Variants in RPL12 observed in about 807,000 individuals in gnomAD.
RPL12 encodes the protein ribosomal protein L12, also known as large ribosomal subunit protein uL11.
Under a neutral mutation model 24.5 loss-of-function variants are expected in RPL12, and 10 were observed. The ratio of observed to expected loss-of-function variants is 0.41; its 90% CI spans 0.25 to 0.69. The LOEUF is 0.69. Ranked by LOEUF, RPL12 falls within the 30% of genes least tolerant of loss-of-function variation. The probability of loss-of-function intolerance (pLI) is 0.33; values close to 1 mark genes in which losing one functional copy is unlikely to be tolerated. For missense variants in RPL12, 137 were observed against 205.3 expected, an observed-to-expected ratio of 0.67 and a Z score of 2.03; for synonymous variants, 74 against 76.1, an observed-to-expected ratio of 0.97 and a Z score of 0.14.
chr9:127,451,179 G>A, intron 1 of RPL12, 102 bp downstream of exon 1: 1 of 1,479,986 alleles, frequency 6.8e-7, no homozygotes, highest in Non-Finnish European at 9.2e-7. Context: ...AGGTCTCTGG[G>A]AGGCAGCGGC....
intron 3 of RPL12, 59 bp from the exon 4 acceptor site, chr9:127,449,421 G>T: frequency 6.6e-7 from 1 of 1,510,656 alleles, no homozygotes; most frequent in Non-Finnish European, 9.1e-7. Context: ...CATGCACGCT[G>T]GCTCTCAAAA....
At position 127,451,340 on chromosome 9, in the gene RPL12, TGAACCCG is replaced by T; in HGVS notation, c.-30_-24del. 1 of 1,611,584 alleles carries T rather than the reference TGAACCCG, an allele frequency of 6.2e-7. No homozygotes were observed. The highest frequency in any genetic ancestry group is 8.5e-7 in the Non-Finnish European group (1 of 1,179,882). On this transcript the variant is annotated 5_prime_UTR_variant, in exon 1 of 7. Coordinates refer to ENST00000361436, the MANE Select transcript of RPL12 (RefSeq NM_000976.4). Reference sequence around the variant, plus strand: ...CATGGTGGAGGCGGCTGGTGTCGGATGAACCCGGATTCGGGACGACCGAAGGAAGTTG... The same window carrying T: ...CATGGTGGAGGCGGCTGGTGTCGGATGATTCGGGACGACCGAAGGAAGTTG...
chr9:127,451,026 G>C (rs1017679917), intron 1 of RPL12: 2 of 641,302 alleles, frequency 3.1e-6, no homozygotes, highest in Non-Finnish European at 5.3e-6. Flanking sequence ...CCAATGGGGC[G>C]AAACGCCCGG....
rs561738435 is a variant in RPL12, at chr9:127,449,467, G to A, written c.211-105C>T. The A allele has an allele frequency of 3.5e-5, 46 of 1,320,976 alleles. 1 individual carries two copies. In the African/African-American group the frequency reaches 6.4e-4, roughly 18 times the overall value. 81.8% of individuals were successfully genotyped at this position (1,320,976 alleles called of 1,614,324 possible). A position where few individuals can be genotyped will look rare whatever the true frequency, so the allele number is the denominator to read the frequency against. On this transcript the variant is annotated intron_variant, in intron 3 of 6. Coordinates refer to ENST00000361436, the MANE Select transcript of RPL12 (RefSeq NM_000976.4). ...CACACTGTCCAAGTCTTTGCCCTAGGTCCGTACTCTTGACAAAGCCTCCCC... is the reference window on the plus strand; with the variant it reads ...CACACTGTCCAAGTCTTTGCCCTAGATCCGTACTCTTGACAAAGCCTCCCC...
chr9:127,451,202 A>G, intron 1 of RPL12, 79 bp downstream of exon 1: 1 of 1,569,014 alleles, frequency 6.4e-7, no homozygotes. Flanking sequence ...TAAGAGCCCC[A>G]TACGGGGAAA....
At position 127,449,879 on chromosome 9, in the gene RPL12, G is replaced by A. The variant is rs796207918; in HGVS notation, c.112-171C>T. 137 of 619,610 alleles carry A rather than the reference G, an allele frequency of 2.2e-4. No homozygotes were observed. The South Asian group carries it at 2.5e-3, about 11-fold the overall frequency. 38.4% of individuals were successfully genotyped at this position (619,610 alleles called of 1,614,324 possible). ...GCATAAATTGGGGGTTGGGGTTCTTGTCCAGAACTGTAAACTGCAGACTTG... is the reference window on the plus strand; with the variant it reads ...GCATAAATTGGGGGTTGGGGTTCTTATCCAGAACTGTAAACTGCAGACTTG... On this transcript the variant is annotated intron_variant, in intron 2 of 6. Transcript: ENST00000361436.
At position 127,449,342 on chromosome 9, in the gene RPL12, G is replaced by A. The variant is rs148007592; in HGVS notation, c.231C>T (p.Ala77=). The change falls in exon 4 of 7, where the codon GCC becomes GCT. Residue 77 remains alanine, a synonymous_variant. Coordinates refer to ENST00000361436, the MANE Select transcript of RPL12 (RefSeq NM_000976.4). ...TGAGGGCTTTGATGATCAGGGCAGA[G>A]GCAGAAGGCACCACCTCAATCTGCA... ...RQAQIEVVPS[A]SALIIKALKE... The A allele has an allele frequency of 6.2e-7, 1 of 1,609,546 alleles. No homozygotes were observed. The highest frequency in any genetic ancestry group is 1.3e-5 in the African/African-American group (1 of 74,854).
At position 127,451,321 on chromosome 9, in the gene RPL12, G is replaced by A. The variant is rs574279325; in HGVS notation, c.-4C>T. Reference sequence around the variant, plus strand: ...TGGGGTCGAACTTCGGCGGCATGGTGGAGGCGGCTGGTGTCGGATGAACCC... The same window carrying A: ...TGGGGTCGAACTTCGGCGGCATGGTAGAGGCGGCTGGTGTCGGATGAACCC... On this transcript the variant is annotated 5_prime_UTR_variant, in exon 1 of 7. Transcript: ENST00000361436. 3.2e-5 allele frequency: 52 copies of A among 1,612,416 alleles called. No homozygotes were observed. In the East Asian group the frequency reaches 1.1e-3, roughly 35 times the overall value.
chr9:127,451,406 G>A lies in RPL12; in HGVS notation c.-89C>T, dbSNP rs747333236. 358 of 1,353,236 alleles carry A rather than the reference G, an allele frequency of 2.6e-4. No homozygotes were observed. The highest frequency in any genetic ancestry group is 3.4e-4 in the Non-Finnish European group (327 of 962,442). 83.8% of individuals were successfully genotyped at this position (1,353,236 alleles called of 1,614,324 possible). A position where few individuals can be genotyped will look rare whatever the true frequency, so the allele number is the denominator to read the frequency against. On this transcript the variant is annotated 5_prime_UTR_variant, in exon 1 of 7. Transcript: ENST00000361436. ...CCTCCTCCGAGCCGAAAGCCGAGAG[G>A]CCGGAAATCGCGCGGACAAGCCAGA...
chr9:127,449,973 GACATTAGAATCACCT>G (rs2131974689), intron 2 of RPL12: 1 of 441,220 alleles, frequency 2.3e-6, no homozygotes, highest in East Asian at 4.3e-5. Flanking sequence ...CAGCCCTGCT[GACATTAGAATCACCT>G]AAGGAGCTTT....
intron 5 of RPL12, 74 bp from the exon 6 acceptor site, chr9:127,448,063 G>GA (rs765924450): frequency 4.0e-6 from 6 of 1,504,464 alleles, no homozygotes; most frequent in Non-Finnish European, 5.4e-6. Flanking sequence ...GGGGAATACT[G>GA]AAGGGGTTCA....
intron 5 of RPL12, 150 bp from the exon 6 acceptor site, chr9:127,448,139 C>T: frequency 1.8e-6 from 2 of 1,137,012 alleles, no homozygotes; most frequent in Non-Finnish European, 2.5e-6. Flanking sequence ...CCATCTAGTT[C>T]CATAACCCGG....
At chr9:127,450,512 G>C (rs991312955) in intron 2 of RPL12, 11 of 514,894 alleles carry the variant, frequency 2.1e-5, no homozygotes, top group Admixed American at 1.6e-4. Context: ...CACTAAAGCA[G>C]CAGTGGAGAC....
At position 127,448,429 on chromosome 9, in the gene RPL12, GA is replaced by G. The variant is rs1459107074; in HGVS notation, c.293-7del. On this transcript the variant is annotated splice_polypyrimidine_tract_variant and splice_region_variant and intron_variant, in intron 4 of 6. Coordinates refer to ENST00000361436, the MANE Select transcript of RPL12 (RefSeq NM_000976.4). ...GATATTCCCACTGTGTTTAACTGCA[GA>G]AGAGGAAACAGCAAAAGCTCTTTTA... The G allele has an allele frequency of 6.9e-6, 11 of 1,599,304 alleles. 1 individual carries two copies. The highest frequency in any genetic ancestry group is 5.0e-5 in the Admixed American group (3 of 59,994).
At chr9:127,449,406 A>T in intron 3 of RPL12, 44 bp from the exon 4 acceptor site, 1 of 1,540,650 alleles carries the variant, frequency 6.5e-7, no homozygotes, top group Non-Finnish European at 8.9e-7. Flanking sequence ...TCCAGTGAAT[A>T]CTGCCATGCA....
Position 127,450,713 on chromosome 9 carries a change from T to C in RPL12, c.111+18A>G. 1 of 1,556,586 alleles carries C rather than the reference T, an allele frequency of 6.4e-7. No individual in the cohort carries two copies. The highest frequency in any genetic ancestry group is 2.3e-5 in the East Asian group (1 of 42,562). On this transcript the variant is annotated intron_variant, in intron 2 of 6. Transcript: ENST00000361436. ...GAAACAAATGTGAAAAAAATGCCCC[T>C]TGGAGGGGATAACGTACCAGACCCA...
chr9:127,449,077 T>C, intron 4 of RPL12: 3 of 500,292 alleles, frequency 6.0e-6, no homozygotes, highest in Non-Finnish European at 1.1e-5. Flanking sequence ...TCCACCCGCC[T>C]CAGCCTCCCA....
At position 127,449,706 on chromosome 9, in the gene RPL12, A is replaced by T; in HGVS notation, c.114T>A (p.Ser38=). Residue 38 remains serine, a splice_region_variant and synonymous_variant, in exon 3 of 7, where the codon TCT becomes TCA. Transcript: ENST00000361436. The stretch of plus-strand genomic sequence containing the variant: ...CAATGTCATCACCAACTTTTTTTGG[A>T]GACTAGAAATAAAGGCATGTAATCA... ...LAPKIGPLGL[S]PKKVGDDIAK... is the part of the protein sequence containing the mutation. The T allele has an allele frequency of 6.2e-7, 1 of 1,612,430 alleles. No homozygotes were observed. Among genetic ancestry groups the T allele is most frequent in the Non-Finnish European group, 8.5e-7 (1 of 1,179,530 alleles).
rs932657949 is a variant in RPL12, at chr9:127,447,885, A to G, written c.484T>C (p.Cys162Arg). ...ATGAAAATGTCACTTACGGCTGGGC[A>G]TTCCACAGCACCACTGTTGATGTCA... Reference protein sequence around the residue: ...IDDINSGAVECPAS With the variant: ...IDDINSGAVERPAS The change falls in exon 6 of 7, where the codon TGC (cysteine) becomes CGC (arginine). Residue 162 changes from cysteine to arginine, a missense_variant. Around this residue, in one of 3 missense-constraint regions of RPL12, gnomAD observed 118 missense variants for 160.7 expected, o/e 0.73. Transcript: ENST00000361436. 1 of 1,612,450 alleles carries G rather than the reference A, an allele frequency of 6.2e-7. No homozygotes were observed. The highest frequency in any genetic ancestry group is 2.2e-5 in the East Asian group (1 of 44,872).
Sources: gnomAD v4.1 joint callset for allele counts on GRCh38, gnomAD v4.1.1 for gene constraint, gnomAD v4.1.1 regional missense constraint, MANE v1.5 for transcripts, NCBI Gene and HGNC (gene_info 2026-07-23, HGNC 2026-07-21) for gene names.